The following MAP7 variants were observed in gnomAD, a reference collection of about 807,000 sequenced individuals.
The protein encoded by MAP7 is ensconsin.
MAP7 carries 52 observed loss-of-function variants against 94.8 expected under a neutral mutation model. The ratio of observed to expected loss-of-function variants is 0.55; its 90% confidence interval spans 0.44 to 0.69. The LOEUF (loss-of-function observed/expected upper bound fraction) is 0.69. Among genes scored for constraint, MAP7 ranks in the 30% least tolerant of loss-of-function variants. MAP7 has a pLI of 0.00. For missense variants in MAP7, 940 were observed against 964.6 expected, an observed-to-expected ratio of 0.97 and a Z score of 0.34; for synonymous variants, 350 against 357.0, an observed-to-expected ratio of 0.98 and a Z score of 0.22.
chr6:136,391,319 C>T (rs544908449), intron 3 of MAP7, among the ~76,000 whole-genome samples: 2 of 142,976 alleles, frequency 1.4e-5, no homozygotes, highest in South Asian at 4.5e-4. Context: ...CCAAACACTG[C>T]ATATTCTCAC....
intron 1 of MAP7, chr6:136,526,047 G>A: frequency 1.4e-6 from 2 of 1,447,824 alleles, no homozygotes; most frequent in Admixed American, 2.8e-5. Context: ...CCAGGAAGCT[G>A]CTAGTTCCTA....
At chr6:136,385,239 T>A (rs1054504171) in intron 5 of MAP7, among the ~76,000 whole-genome samples, 5 of 148,568 alleles carry the variant, frequency 3.4e-5, no homozygotes, top group African/African-American at 1.2e-4. Flanking sequence ...TCAGCTGGGA[T>A]TCATTTTAAT....
At chr6:136,485,854 G>A (rs1453775428) in intron 1 of MAP7, among the ~76,000 whole-genome samples, 3 of 152,200 alleles carry the variant, frequency 2.0e-5, no homozygotes, top group South Asian at 2.1e-4. Context: ...GAGCCACCGC[G>A]CCCGGCCACT....
intron 1 of MAP7, among the ~76,000 whole-genome samples, chr6:136,470,724 TA>T (rs1012319013): frequency 6.6e-6 from 1 of 151,470 alleles, no homozygotes; most frequent in Non-Finnish European, 1.5e-5. Flanking sequence ...GTGGGAGGAG[TA>T]AAAGGGGTGT....
At chr6:136,456,323 T>C (rs531208608) in intron 1 of MAP7, among the ~76,000 whole-genome samples, 1 of 152,188 alleles carries the variant, frequency 6.6e-6, no homozygotes, top group East Asian at 1.9e-4. Flanking sequence ...ACTTACGAGA[T>C]GCAGCAAAAG....
chr6:136,410,632 G>A (rs546066500), intron 3 of MAP7, among the ~76,000 whole-genome samples: 17 of 152,182 alleles, frequency 1.1e-4, no homozygotes, highest in Middle Eastern at 3.2e-3. Flanking sequence ...GACCTCATAT[G>A]GCCATTATGG....
At chr6:136,493,092 GT>G (rs200262132) in intron 1 of MAP7, among the ~76,000 whole-genome samples, 16 of 127,146 alleles carry the variant, frequency 1.3e-4, no homozygotes, top group Middle Eastern at 4.3e-3. Flanking sequence ...TGTCTTCCCA[GT>G]TTTTTTTTTG....
At chr6:136,364,268 TG>T in intron 10 of MAP7, 1 of 538,770 alleles carries the variant, frequency 1.9e-6, no homozygotes. Flanking sequence ...CTTTTTGGAC[TG>T]GCTTGTTTGC....
chr6:136,402,905 C>CAAAA (rs57114676), intron 3 of MAP7, among the ~76,000 whole-genome samples: 15 of 67,396 alleles, frequency 2.2e-4, no homozygotes, highest in East Asian at 1.1e-3. Flanking sequence ...GACTCTGTCT[C>CAAAA]AAAAAAAAAA....
chr6:136,454,272 G>GATCCATCT (rs1554258958), intron 1 of MAP7, among the ~76,000 whole-genome samples: 5 of 141,350 alleles, frequency 3.5e-5, no homozygotes, highest in Admixed American at 1.4e-4. Flanking sequence ...CTACCTAAAT[G>GATCCATCT]ATCTATCTAT....
At chr6:136,365,349 A>G (rs763971544) in intron 10 of MAP7, among the ~76,000 whole-genome samples, 1 of 152,214 alleles carries the variant, frequency 6.6e-6, no homozygotes, top group Admixed American at 6.5e-5. Flanking sequence ...ACAGTTTTCA[A>G]CTAGAGATAT....
At chr6:136,514,075 A>G (rs1382668272) in intron 1 of MAP7, among the ~76,000 whole-genome samples, 2 of 152,098 alleles carry the variant, frequency 1.3e-5, no homozygotes, top group African/African-American at 4.8e-5. Context: ...ACCTCCCTCC[A>G]TGCATCATAA....
chr6:136,368,960 T>C lies in MAP7; in HGVS notation c.877-2521A>G, dbSNP rs768165989. Among the ~76,000 whole-genome samples, 71 of 152,316 alleles carry C rather than the reference T, an allele frequency of 4.7e-4. No homozygotes were observed. In the Middle Eastern group the frequency reaches 0.014, roughly 29 times the overall value. On this transcript the variant is annotated intron_variant, in intron 8 of 17. Transcript: ENST00000354570. The stretch of plus-strand genomic sequence containing the variant: ...GGATCCTGAAGAACCAAAATAATCT[T>C]GAAAAAGAACAAAGTTGGAATTCTT...
chr6:136,454,214 T>A (rs1455529114), intron 1 of MAP7, among the ~76,000 whole-genome samples: 1 of 152,108 alleles, frequency 6.6e-6, no homozygotes, highest in Non-Finnish European at 1.5e-5. Flanking sequence ...ATTAAACCCA[T>A]CAGAATAAAA....
intron 12 of MAP7, 86 bp downstream of exon 12, chr6:136,360,919 A>G: frequency 6.5e-7 from 1 of 1,544,854 alleles, no homozygotes; most frequent in Non-Finnish European, 8.8e-7. Context: ...CGGGAGCACC[A>G]GCAGTCCAGT....
intron 1 of MAP7, chr6:136,526,213 T>G (rs1426629162): frequency 3.4e-6 from 4 of 1,169,528 alleles, no homozygotes; most frequent in Non-Finnish European, 4.3e-6. Context: ...CCCCTCCCAC[T>G]GACTCCCCGA....
chr6:136,484,948 C>T (rs933347149), intron 1 of MAP7, among the ~76,000 whole-genome samples: 2 of 152,166 alleles, frequency 1.3e-5, no homozygotes, highest in African/African-American at 2.4e-5. Flanking sequence ...CCAGCCTCAG[C>T]CTCCTAAAGT....
At chr6:136,519,774 T>G (rs1484083017) in intron 1 of MAP7, among the ~76,000 whole-genome samples, 4 of 152,238 alleles carry the variant, frequency 2.6e-5, no homozygotes, top group Non-Finnish European at 5.9e-5. Flanking sequence ...TACAATTTAA[T>G]CTATGATTAG....
chr6:136,442,754 T>C (rs1798243118), intron 1 of MAP7, among the ~76,000 whole-genome samples: 1 of 152,196 alleles, frequency 6.6e-6, no homozygotes. Flanking sequence ...CCTAAACTAA[T>C]GGTTTAAGAG....
Sources: gnomAD v4.1 joint callset for allele counts (sites outside exome capture counted in the v4.1 genomes callset) on GRCh38, gnomAD v4.1.1 for gene constraint, MANE v1.5 for transcripts, NCBI Gene and HGNC (gene_info 2026-07-23, HGNC 2026-07-21) for gene names.